The following NRCAM variants were observed in gnomAD, a reference collection of about 807,000 sequenced individuals.
NRCAM encodes the protein neuronal cell adhesion molecule, also known as NgCAM-related cell adhesion molecule.
A neutral mutation model predicts 156.5 loss-of-function variants in NRCAM; 83 were observed. The ratio of observed to expected loss-of-function variants is 0.53; its 90% CI spans 0.44 to 0.64. The LOEUF (loss-of-function observed/expected upper bound fraction) is 0.64, where lower values mean the gene tolerates loss of function less well. Among genes scored for constraint, NRCAM ranks in the 30% least tolerant of loss-of-function variants. NRCAM has a pLI of 0.00. For synonymous variants in NRCAM, 538 were observed against 563.9 expected, an observed-to-expected ratio of 0.95 and a Z score of 0.65; for missense variants, 1,417 against 1,597.3, an observed-to-expected ratio of 0.89 and a Z score of 1.92.
chr7:108,404,430 G>A (rs902413265), intron 1 of NRCAM, among the ~76,000 whole-genome samples: 2 of 152,226 alleles, frequency 1.3e-5, no homozygotes, highest in African/African-American at 2.4e-5. Context: ...TTTCATAGAG[G>A]TAATCTCATT....
chr7:108,341,292 T>C (rs2099274136), intron 2 of NRCAM, among the ~76,000 whole-genome samples: 2 of 152,192 alleles, frequency 1.3e-5, no homozygotes, highest in African/African-American at 4.8e-5. Context: ...CCGGGTATGC[T>C]TGACCATTGA....
At chr7:108,156,289 A>G (rs1435291369) in intron 32 of NRCAM, 1 of 985,114 alleles carries the variant, frequency 1.0e-6, no homozygotes, top group Admixed American at 6.1e-5. Flanking sequence ...CCAATTATGT[A>G]GTAAGTTATG....
rs967598514 is a variant in NRCAM at position 108,180,340 on chromosome 7, G to A, written c.2734C>T (p.His912Tyr). Residue 912 changes from histidine (H) to tyrosine (Y), a missense_variant, in exon 25 of 33, where the codon CAT becomes TAT. By Grantham distance (83) the His-to-Tyr change is moderately conservative. Around this residue, in one of 2 missense-constraint regions of NRCAM, gnomAD observed 1,238 missense variants for 1,336.4 expected, o/e 0.93. Coordinates refer to ENST00000379028, the MANE Select transcript of NRCAM (RefSeq NM_001037132.4). ...GGCTCTAGCCCCGGCAACATGCCAT[G>A]AGTCTTGCTGCCTTGGAAGGTGAGG... ...KILTFQGSKTHGMLPGLEPFS... is the reference protein window; with the variant it reads ...KILTFQGSKTYGMLPGLEPFS... 6.2e-7 allele frequency: 1 copy of A among 1,614,138 alleles called. No individual in the cohort carries two copies. Among genetic ancestry groups the A allele is most frequent in the Non-Finnish European group, 8.5e-7 (1 of 1,179,950 alleles).
chr7:108,177,281 A>T (rs2060906060), intron 26 of NRCAM, among the ~76,000 whole-genome samples: 1 of 152,142 alleles, frequency 6.6e-6, no homozygotes, highest in Non-Finnish European at 1.5e-5. Context: ...AGAACACAGC[A>T]TCCCAGAAAT....
At chr7:108,179,899 T>C (rs556543775) in intron 25 of NRCAM, among the ~76,000 whole-genome samples, 2 of 152,348 alleles carry the variant, frequency 1.3e-5, no homozygotes, top group African/African-American at 4.8e-5. Context: ...AGAGAAGTTA[T>C]GGAACCTCTT....
At chr7:108,348,941 G>A (rs1470235254) in intron 2 of NRCAM, among the ~76,000 whole-genome samples, 1 of 151,748 alleles carries the variant, frequency 6.6e-6, no homozygotes, top group Non-Finnish European at 1.5e-5. Flanking sequence ...AGTCTTTAGG[G>A]GCAGCCAAGG....
At chr7:108,450,509 T>C (rs7786947) in intron 1 of NRCAM, among the ~76,000 whole-genome samples, 37,458 of 152,082 alleles carry the variant, frequency 0.25, 4,942 homozygotes, top group Non-Finnish European at 0.29. Flanking sequence ...TAATTTACAA[T>C]GCCAGTACAT....
intron 3 of NRCAM, among the ~76,000 whole-genome samples, chr7:108,288,628 T>G (rs187901355): frequency 1.3e-5 from 2 of 152,230 alleles, no homozygotes; most frequent in Non-Finnish European, 2.9e-5. Flanking sequence ...CACAAATCCT[T>G]TCTCAGGTTG....
chr7:108,186,438 T>C (rs189781837), intron 20 of NRCAM, among the ~76,000 whole-genome samples: 68 of 152,290 alleles, frequency 4.5e-4, no homozygotes, highest in African/African-American at 1.6e-3. Flanking sequence ...GGAATCCTTC[T>C]TATTTCCCTA....
chr7:108,310,567 G>C (rs2098789721), intron 3 of NRCAM, among the ~76,000 whole-genome samples: 1 of 152,176 alleles, frequency 6.6e-6, no homozygotes, highest in South Asian at 2.1e-4. Context: ...CAGCATGCCA[G>C]TGAATGTGGG....
chr7:108,256,572 A>T (rs1219240548), intron 3 of NRCAM, among the ~76,000 whole-genome samples: 4 of 151,858 alleles, frequency 2.6e-5, no homozygotes, highest in African/African-American at 9.7e-5. Flanking sequence ...CTATTGTCCT[A>T]TGACCCTGCC....
intron 30 of NRCAM, among the ~76,000 whole-genome samples, chr7:108,162,308 A>G (rs920395144): frequency 6.6e-6 from 1 of 152,248 alleles, no homozygotes; most frequent in Non-Finnish European, 1.5e-5. Flanking sequence ...GAGACAGGCA[A>G]AAAGGTATTA....
At chr7:108,330,185 G>T (rs1474285914) in intron 2 of NRCAM, among the ~76,000 whole-genome samples, 1 of 152,166 alleles carries the variant, frequency 6.6e-6, no homozygotes, top group Non-Finnish European at 1.5e-5. Context: ...TTGGAAAGAA[G>T]AATTTGTCCA....
At chr7:108,257,856 G>T (rs1300511443) in intron 3 of NRCAM, among the ~76,000 whole-genome samples, 3 of 151,880 alleles carry the variant, frequency 2.0e-5, no homozygotes, top group Non-Finnish European at 4.4e-5. Flanking sequence ...AGGCAGAGAG[G>T]ATCAGTTTCA....
At chr7:108,337,178 G>C (rs1249436310) in intron 2 of NRCAM, among the ~76,000 whole-genome samples, 1 of 151,532 alleles carries the variant, frequency 6.6e-6, no homozygotes. Context: ...TGGGAGAATC[G>C]CTTGAACCTG....
intron 2 of NRCAM, among the ~76,000 whole-genome samples, chr7:108,334,073 C>A (rs2099154128): frequency 1.3e-5 from 2 of 152,166 alleles, no homozygotes; most frequent in South Asian, 4.1e-4. Context: ...CAAGTGAACA[C>A]ACAATATTCC....
chr7:108,244,113 G>GAAT (rs2095732434), intron 3 of NRCAM, among the ~76,000 whole-genome samples: 1 of 152,052 alleles, frequency 6.6e-6, no homozygotes, highest in Non-Finnish European at 1.5e-5. Context: ...AAATGAAGGA[G>GAAT]GAAATTATTT....
At chr7:108,367,946 C>G (rs2099601939) in intron 2 of NRCAM, among the ~76,000 whole-genome samples, 2 of 152,112 alleles carry the variant, frequency 1.3e-5, no homozygotes, top group Non-Finnish European at 2.9e-5. Context: ...ACGTATGGTA[C>G]AGGTTAAGTT....
chr7:108,396,335 C>T (rs1223181858), intron 2 of NRCAM, among the ~76,000 whole-genome samples: 2 of 152,194 alleles, frequency 1.3e-5, no homozygotes, highest in African/African-American at 2.4e-5. Flanking sequence ...ACTGGTTTCA[C>T]AGTAAAGACT....
Sources: allele counts gnomAD v4.1 joint callset (sites outside exome capture counted in the v4.1 genomes callset), GRCh38; gene constraint gnomAD v4.1.1; regional missense constraint gnomAD v4.1.1; transcripts MANE v1.5; gene names NCBI Gene and HGNC (gene_info 2026-07-23, HGNC 2026-07-21).